Variants in NRL observed in about 807,000 individuals in gnomAD.
The protein encoded by NRL is neural retina-specific leucine zipper protein.
A neutral mutation model predicts 12.5 loss-of-function variants in NRL; 16 were observed. The ratio of observed to expected loss-of-function variants is 1.28; its 90% CI spans 0.87 to 1.95. NRL has a LOEUF of 1.95. Ranked by LOEUF, NRL falls within the 30% of genes most tolerant of loss-of-function variation. The probability of loss-of-function intolerance (pLI) is 0.00; values close to 1 mark genes in which losing one functional copy is unlikely to be tolerated. For synonymous variants in NRL, 142 were observed against 150.9 expected, an observed-to-expected ratio of 0.94 and a Z score of 0.43; for missense variants, 314 against 325.8, an observed-to-expected ratio of 0.96 and a Z score of 0.28.
intron 1 of NRL, among the ~76,000 whole-genome samples, chr14:24,108,700 A>G (rs1254112084): frequency 6.6e-6 from 1 of 152,196 alleles, no homozygotes; most frequent in East Asian, 1.9e-4. Flanking sequence ...TGATTCTTAC[A>G]GACACAAGAC....
At chr14:24,107,481 G>A (rs951752932) in intron 1 of NRL, among the ~76,000 whole-genome samples, 6 of 121,916 alleles carry the variant, frequency 4.9e-5, no homozygotes, top group African/African-American at 1.9e-4. Context: ...CGACCCTGTT[G>A]CCCATCTCTA....
intron 1 of NRL, chr14:24,102,581 A>G (rs1010969512): frequency 1.6e-6 from 1 of 616,666 alleles, no homozygotes; most frequent in Non-Finnish European, 2.9e-6. Flanking sequence ...AAACAACCTG[A>G]GCTCTTGGAG....
chr14:24,111,851 T>C (rs1417333664), intron 1 of NRL, among the ~76,000 whole-genome samples: 1 of 127,328 alleles, frequency 7.9e-6, no homozygotes, highest in Non-Finnish European at 1.6e-5. Flanking sequence ...CTGATTGCCC[T>C]GGCCAGAACT....
At chr14:24,096,816 C>A in intron 1 of NRL, 2 of 1,355,918 alleles carry the variant, frequency 1.5e-6, no homozygotes, top group Non-Finnish European at 2.1e-6. Context: ...GCAGCCCAAG[C>A]TTTCTGTCTC....
Position 24,080,768 on chromosome 14 carries a change from A to C in NRL, c.*468T>G. On this transcript the variant is annotated 3_prime_UTR_variant, in exon 3 of 3. Transcript: ENST00000561028. ...GTCCTAATCTATCTAGTTGTTGGATATTGAAATCTTGAAAATTCTGTAGTG... is the reference window on the plus strand; with the variant it reads ...GTCCTAATCTATCTAGTTGTTGGATCTTGAAATCTTGAAAATTCTGTAGTG... 1 of 153,710 alleles carries C rather than the reference A, an allele frequency of 6.5e-6. No individual in the cohort carries two copies. Among genetic ancestry groups the C allele is most frequent in the Non-Finnish European group, 1.4e-5 (1 of 68,974 alleles). 9.5% of individuals were successfully genotyped at this position (153,710 alleles called of 1,614,324 possible).
Position 24,094,621 on chromosome 14 carries a change from G to A in NRL, c.-27-11746C>T. 1 of 1,470,100 alleles carries A rather than the reference G, an allele frequency of 6.8e-7. No individual in the cohort carries two copies. Among genetic ancestry groups the A allele is most frequent in the South Asian group, 1.4e-5 (1 of 72,720 alleles). The allele number at this position is 1,470,100 out of a possible 1,614,324, so 91.1% of individuals were successfully genotyped here. The stretch of plus-strand genomic sequence containing the variant: ...TCTCTTGGGAGGGCAGCCGGCCGGT[G>A]CTCCTCGTTTCCGCCTGCACCTCCC... On this transcript the variant is annotated intron_variant, in intron 1 of 2. Coordinates refer to ENST00000561028, the MANE Select transcript of NRL (RefSeq NM_001354768.3). This position sits in a 1 kb window ranked among gnomAD's most constrained non-coding sequence, Gnocchi z 4.1.
chr14:24,081,851 G>T lies in NRL; in HGVS notation c.382-283C>A, dbSNP rs907922331. On this transcript the variant is annotated intron_variant, in intron 2 of 2. Transcript: ENST00000561028. This position sits in a 1 kb window ranked among gnomAD's most constrained non-coding sequence, Gnocchi z 4.4. ...CGTCGCGCACCTAAACCCCGGGCTC[G>T]TCTCTGGGATCCCCGGCATCCAGCT... 7.2e-7 allele frequency: 1 copy of T among 1,388,888 alleles called. No individual in the cohort carries two copies. The highest frequency in any genetic ancestry group is 3.0e-5 in the Admixed American group (1 of 33,882). The allele number at this position is 1,388,888 out of a possible 1,614,324, so 86.0% of individuals were successfully genotyped here.
chr14:24,095,334 C>A, intron 1 of NRL: 1 of 424,328 alleles, frequency 2.4e-6, no homozygotes, highest in Non-Finnish European at 4.8e-6. Flanking sequence ...TGCTTGAAAA[C>A]TGATGCTCAC....
intron 1 of NRL, 21 bp from the exon 2 acceptor site, chr14:24,082,896 C>A: frequency 6.3e-7 from 1 of 1,576,646 alleles, no homozygotes. Context: ...GAGGAGAGGT[C>A]TGGAGCACAT....
At chr14:24,109,472 G>C (rs546593023) in intron 1 of NRL, among the ~76,000 whole-genome samples, 82 of 152,214 alleles carry the variant, frequency 5.4e-4, no homozygotes, top group Middle Eastern at 3.4e-3. Context: ...TAGGTGGTCA[G>C]ATCATGAGGT....
chr14:24,102,788 T>C, intron 1 of NRL: 1 of 1,613,876 alleles, frequency 6.2e-7, no homozygotes, highest in Non-Finnish European at 8.5e-7. Flanking sequence ...CAACTCTCGA[T>C]TTTGTGCCCC....
chr14:24,081,493 C>A lies in NRL; in HGVS notation c.457G>T (p.Gly153Trp). 6.3e-7 allele frequency: 1 copy of A among 1,597,582 alleles called. No individual in the cohort carries two copies. ...RELNRQLRGC[G>W]RDEALRLKQR... is the part of the protein sequence containing the mutation. Reference sequence around the variant, plus strand: ...TTCAGCCGCAGCGCCTCGTCGCGCCCGCAGCCCCGCAGCTGCCGGTTTAGC... The same window carrying A: ...TTCAGCCGCAGCGCCTCGTCGCGCCAGCAGCCCCGCAGCTGCCGGTTTAGC... Residue 153 changes from glycine to tryptophan, a missense_variant, in exon 3 of 3, where the codon GGG (glycine) becomes TGG (tryptophan). Transcript: ENST00000561028. This position sits in a 1 kb window ranked among gnomAD's most constrained non-coding sequence, Gnocchi z 4.4.
At chr14:24,101,539 A>G (rs1376753114) in intron 1 of NRL, among the ~76,000 whole-genome samples, 1 of 152,194 alleles carries the variant, frequency 6.6e-6, no homozygotes, top group Non-Finnish European at 1.5e-5. Flanking sequence ...ATCCCTACCC[A>G]TGTGATATCC....
At chr14:24,090,865 G>A (rs1306553927) in intron 1 of NRL, among the ~76,000 whole-genome samples, 2 of 152,144 alleles carry the variant, frequency 1.3e-5, no homozygotes, top group African/African-American at 4.8e-5. Context: ...AGAAAGTAAT[G>A]GTGGGGAAGA....
chr14:24,107,566 G>T (rs556763406), intron 1 of NRL, among the ~76,000 whole-genome samples: 7 of 143,040 alleles, frequency 4.9e-5, no homozygotes, highest in African/African-American at 1.3e-4. Context: ...TTTATAGTTT[G>T]ATCACCTAAA....
intron 1 of NRL, among the ~76,000 whole-genome samples, chr14:24,101,336 G>A (rs1363987471): frequency 2.6e-5 from 4 of 152,212 alleles, no homozygotes; most frequent in East Asian, 1.9e-4. Context: ...AGAAGCTGGC[G>A]GATGGGAGAG....
At chr14:24,097,596 T>C (rs1405692298) in intron 1 of NRL, among the ~76,000 whole-genome samples, 5 of 151,154 alleles carry the variant, frequency 3.3e-5, no homozygotes, top group African/African-American at 1.2e-4. Flanking sequence ...TGGGATTTTT[T>C]TTTTTTTTTG....
intron 1 of NRL, chr14:24,102,941 T>TA: frequency 6.4e-7 from 1 of 1,557,090 alleles, no homozygotes; most frequent in Non-Finnish European, 8.8e-7. Context: ...ATCTCTGTAT[T>TA]AGGGCCTACC....
At chr14:24,102,837 C>T (rs2037216973) in intron 1 of NRL, 1 of 1,613,950 alleles carries the variant, frequency 6.2e-7, no homozygotes, top group Non-Finnish European at 8.5e-7. Flanking sequence ...GCCTGGGAGG[C>T]CCCAGAGGGT....
Sources: allele counts gnomAD v4.1 joint callset (sites outside exome capture counted in the v4.1 genomes callset), GRCh38; gene constraint gnomAD v4.1.1; non-coding constraint Gnocchi (gnomAD v3.1); transcripts MANE v1.5; gene names NCBI Gene and HGNC (gene_info 2026-07-23, HGNC 2026-07-21).